Variants in BRWD1 observed in about 807,000 individuals in gnomAD.
BRWD1 encodes the protein bromodomain and WD repeat domain containing 1.
BRWD1 carries 82 observed loss-of-function variants against 251.2 expected under a neutral mutation model. The observed-to-expected ratio is 0.33, with a 90% CI of 0.27 to 0.39. The LOEUF (loss-of-function observed/expected upper bound fraction) is 0.39. Among genes scored for constraint, BRWD1 ranks in the 10% least tolerant of loss-of-function variants. The probability of loss-of-function intolerance (pLI) is 1.00; values close to 1 mark genes in which losing one functional copy is unlikely to be tolerated. For synonymous variants in BRWD1, 918 were observed against 902.8 expected (o/e 1.02, Z -0.30); for missense variants, 2,233 against 2,711.6 (o/e 0.82, Z 3.92).
At chr21:39,278,429 C>G (rs749893750) in intron 10 of BRWD1, 13 of 279,532 alleles carry the variant, frequency 4.7e-5, no homozygotes, top group Non-Finnish European at 8.5e-5. Context: ...CACAGTTTAG[C>G]CTATTCAAAG....
Position 39,313,536 on chromosome 21 carries a change from C to A in BRWD1, c.-45G>T. The A allele has an allele frequency of 7.6e-7, 1 of 1,308,072 alleles. No homozygotes were observed. The highest frequency in any genetic ancestry group is 9.7e-7 in the Non-Finnish European group (1 of 1,034,168). The allele number at this position is 1,308,072 out of a possible 1,614,324, so 81.0% of individuals were successfully genotyped here. On this transcript the variant is annotated 5_prime_UTR_variant, in exon 1 of 41. Coordinates refer to ENST00000342449, the MANE Select transcript of BRWD1 (RefSeq NM_033656.4). ...GGCGGGAGCGAGCGAGCGAGCGGAG[C>A]GTGTAGGCCGCGCCGAGGCCTGACC...
chr21:39,309,784 C>CGCTGCACTCCAGGCT (rs1292085787), intron 4 of BRWD1, among the ~76,000 whole-genome samples: 5 of 146,854 alleles, frequency 3.4e-5, no homozygotes, highest in Non-Finnish European at 6.0e-5. Flanking sequence ...GAGATCGCAC[C>CGCTGCACTCCAGGCT]GCTGCACTCC....
chr21:39,196,553 A>C lies in BRWD1; in HGVS notation c.6516T>G (p.Asp2172Glu), dbSNP rs768569737. ...SVTESDIDCT[D>E]NTKTKRRKTK... is the part of the protein sequence containing the mutation. ...TTTTCCTCCTTTTGGTTTTTGTATT[A>C]TCAGTACAGTCAATATCTGATTCAG... The change falls in exon 41 of 41, where the codon GAT (aspartate) becomes GAG (glutamate). Residue 2172 changes from aspartate to glutamate, a missense_variant. Physicochemically the swap from Asp to Glu is conservative, Grantham distance 45. This residue lies in a region of BRWD1 where 928 missense variants were observed against 970.0 expected (regional missense o/e 0.96). Coordinates refer to ENST00000342449, the MANE Select transcript of BRWD1 (RefSeq NM_033656.4). 1.2e-6 allele frequency: 2 copies of C among 1,613,510 alleles called. No individual in the cohort carries two copies. Among genetic ancestry groups the C allele is most frequent in the Non-Finnish European group, 1.7e-6 (2 of 1,179,762 alleles).
In BRWD1 at chr21:39,313,612, G is replaced by T. The variant is rs890095749; in HGVS notation, c.-121C>A. On this transcript the variant is annotated 5_prime_UTR_variant, in exon 1 of 41. Coordinates refer to ENST00000342449, the MANE Select transcript of BRWD1 (RefSeq NM_033656.4). ...GCGCGCCGCCGCCGCCGCCGCCGCC[G>T]CCATACCGTGCGCGCCGCCTGGACC... 3.9e-6 allele frequency: 3 copies of T among 775,962 alleles called. No individual in the cohort carries two copies. The highest frequency in any genetic ancestry group is 1.9e-5 in the African/African-American group (1 of 52,128). The allele number at this position is 775,962 out of a possible 1,614,324, so 48.1% of individuals were successfully genotyped here.
At chr21:39,313,892 C>T (rs759520466), upstream of BRWD1, 23 of 321,374 alleles carry the variant, frequency 7.2e-5, no homozygotes, top group Non-Finnish European at 1.2e-4. Context: ...GGCGGCTGCC[C>T]GGGCTTTGTG....
intron 4 of BRWD1, among the ~76,000 whole-genome samples, chr21:39,307,664 G>C (rs1056297073): frequency 6.6e-6 from 1 of 152,132 alleles, no homozygotes; most frequent in African/African-American, 2.4e-5. Context: ...GCTATGACTT[G>C]GAACTTGGGT....
chr21:39,204,223 G>C (rs1004408561), intron 37 of BRWD1, among the ~76,000 whole-genome samples: 5 of 146,964 alleles, frequency 3.4e-5, no homozygotes, highest in Non-Finnish European at 7.4e-5. Flanking sequence ...AGCTATACTA[G>C]AGCCAAGTTC....
chr21:39,289,732 G>A (rs2035748633), intron 8 of BRWD1, among the ~76,000 whole-genome samples: 1 of 152,130 alleles, frequency 6.6e-6, no homozygotes, highest in South Asian at 2.1e-4. Flanking sequence ...CTATTAAGAA[G>A]CTAGCAATCA....
intron 8 of BRWD1, among the ~76,000 whole-genome samples, chr21:39,291,441 A>C (rs1039723646): frequency 1.4e-4 from 21 of 152,216 alleles, no homozygotes; most frequent in African/African-American, 4.8e-4. Context: ...CATGATAGAA[A>C]AGCACTGAAA....
intron 11 of BRWD1, 145 bp downstream of exon 11, chr21:39,277,106 A>C (rs2035302926): frequency 4.2e-6 from 2 of 471,878 alleles, no homozygotes; most frequent in Non-Finnish European, 7.3e-6. Context: ...AAAACTTAAT[A>C]CCATCAAAAA....
chr21:39,220,023 A>G (rs73357865), intron 29 of BRWD1, among the ~76,000 whole-genome samples: 2,809 of 152,188 alleles, frequency 0.018, 82 homozygotes, highest in African/African-American at 0.064. Flanking sequence ...CAGGCAACAT[A>G]AAGTGCTTTA....
intron 4 of BRWD1, among the ~76,000 whole-genome samples, chr21:39,303,054 C>CAA (rs373480984): frequency 1.5e-4 from 23 of 148,782 alleles, no homozygotes; most frequent in African/African-American, 5.7e-4. Context: ...GACTCCGTCT[C>CAA]AAAAAAAAAG....
upstream of BRWD1, among the ~76,000 whole-genome samples, chr21:39,316,355 G>A (rs1166278122): frequency 2.0e-5 from 3 of 152,136 alleles, no homozygotes; most frequent in Non-Finnish European, 2.9e-5. Flanking sequence ...GTTAAGATGA[G>A]TAACTGCTTG....
chr21:39,287,844 T>C (rs549104485), intron 8 of BRWD1, among the ~76,000 whole-genome samples: 1 of 152,332 alleles, frequency 6.6e-6, no homozygotes, highest in African/African-American at 2.4e-5. Context: ...TTCTTTCTAA[T>C]ACATGAATTG....
chr21:39,200,887 G>C (rs2032073804), intron 38 of BRWD1, among the ~76,000 whole-genome samples: 1 of 152,130 alleles, frequency 6.6e-6, no homozygotes, highest in Non-Finnish European at 1.5e-5. Flanking sequence ...GGGAGGCTGA[G>C]GCAGAAGAAT....
chr21:39,229,728 A>C (rs545952257), intron 25 of BRWD1, among the ~76,000 whole-genome samples: 9 of 152,192 alleles, frequency 5.9e-5, no homozygotes, highest in Non-Finnish European at 1.0e-4. Flanking sequence ...AAAATCTAAC[A>C]TATTTCCTTC....
At chr21:39,213,380 GACT>G (rs1201746344) in intron 33 of BRWD1, 98 bp downstream of exon 33, 4 of 939,498 alleles carry the variant, frequency 4.3e-6, no homozygotes, top group Non-Finnish European at 6.7e-6. Flanking sequence ...TTGTTCATTG[GACT>G]ACTACAAGAG....
intron 31 of BRWD1, chr21:39,217,473 C>T: frequency 5.0e-6 from 1 of 199,280 alleles, no homozygotes; most frequent in Non-Finnish European, 1.0e-5. Context: ...CAGAACGAAG[C>T]CCTGGTAGCC....
rs1568849676 is a variant in BRWD1, at chr21:39,194,389, A to T, written c.*1870T>A. 2.7e-6 allele frequency: 3 copies of T among 1,115,346 alleles called. No individual in the cohort carries two copies. Among genetic ancestry groups the T allele is most frequent in the East Asian group, 1.1e-4 (2 of 18,544 alleles). The allele number at this position is 1,115,346 out of a possible 1,614,324, so 69.1% of individuals were successfully genotyped here. On this transcript the variant is annotated 3_prime_UTR_variant, in exon 41 of 41. Transcript: ENST00000342449. ...GATTTGACATCTATCACCAGTTTTT[A>T]AAATTAGCAAAGTAAAAGGCATCCC...
Sources: gnomAD v4.1 joint callset for allele counts (sites outside exome capture counted in the v4.1 genomes callset) on GRCh38, gnomAD v4.1.1 for gene constraint, gnomAD v4.1.1 regional missense constraint, MANE v1.5 for transcripts, NCBI Gene and HGNC (gene_info 2026-07-23, HGNC 2026-07-21) for gene names.